PXDNL: variants seen among roughly 807,000 people sequenced by gnomAD.
PXDNL encodes the protein peroxidasin like.
Under a neutral mutation model 150.8 loss-of-function variants are expected in PXDNL, and 145 were observed. That is an observed-to-expected ratio of 0.96 (90% CI 0.84 to 1.10). The LOEUF (loss-of-function observed/expected upper bound fraction) is 1.10, where lower values mean the gene tolerates loss of function less well. PXDNL is among the 50% of genes least tolerant of loss of function. PXDNL has a pLI of 0.00. For missense variants in PXDNL, 2,087 were observed against 1,873.9 expected (o/e 1.11, Z -2.10); for synonymous variants, 757 against 725.7 (o/e 1.04, Z -0.69).
chr8:51,767,947 T>C (rs1199932769), intron 1 of PXDNL, among the ~76,000 whole-genome samples: 1 of 152,232 alleles, frequency 6.6e-6, no homozygotes, highest in African/African-American at 2.4e-5. Context: ...AGTTTCCAGA[T>C]AGAACAAATA....
chr8:51,433,369 T>TA, intron 12 of PXDNL, among the ~76,000 whole-genome samples: 1 of 152,144 alleles, frequency 6.6e-6, no homozygotes, highest in African/African-American at 2.4e-5. Context: ...TCTTAATAAT[T>TA]AGTTAATAAA....
In PXDNL at chr8:51,371,931, G is replaced by A. The variant is rs1158354740; in HGVS notation, c.3843C>T (p.Tyr1281=). The change falls in exon 19 of 23, where the codon TAC becomes TAT. Residue 1281 remains tyrosine (Y), a synonymous_variant. Coordinates refer to ENST00000356297, the MANE Select transcript of PXDNL (RefSeq NM_144651.5). The part of the protein sequence containing the change: ...VFVKAEYPQD[Y]LNCSEIPKVD... ...CCTTCGGGATCTCGCTGCAGTTCAGGTAATCCTGTGGGTATTCTGCCTTTA... is the reference window on the plus strand; with the variant it reads ...CCTTCGGGATCTCGCTGCAGTTCAGATAATCCTGTGGGTATTCTGCCTTTA... The A allele has an allele frequency of 6.2e-7, 1 of 1,613,978 alleles. No individual in the cohort carries two copies. The highest frequency in any genetic ancestry group is 1.1e-5 in the South Asian group (1 of 91,076).
intron 1 of PXDNL, among the ~76,000 whole-genome samples, chr8:51,730,081 TAGAGTGTACACCA>T (rs1757585689): frequency 2.0e-5 from 3 of 152,300 alleles, no homozygotes; most frequent in African/African-American, 7.2e-5. Flanking sequence ...TCAAAACCCC[TAGAGTGTACACCA>T]AGAGTGAACC....
At chr8:51,795,370 C>T (rs1446094503) in intron 1 of PXDNL, among the ~76,000 whole-genome samples, 1 of 152,180 alleles carries the variant, frequency 6.6e-6, no homozygotes, top group Non-Finnish European at 1.5e-5. Flanking sequence ...ATGGCACTTA[C>T]TCTAAAATCA....
intron 1 of PXDNL, among the ~76,000 whole-genome samples, chr8:51,757,613 G>T (rs546179564): frequency 3.3e-3 from 499 of 152,340 alleles, no homozygotes; most frequent in Non-Finnish European, 5.8e-3. Context: ...CATCTCCATT[G>T]TTATGGCCAG....
chr8:51,532,098 A>C (rs554331242), intron 4 of PXDNL, among the ~76,000 whole-genome samples: 3 of 152,228 alleles, frequency 2.0e-5, no homozygotes, highest in African/African-American at 7.2e-5. Flanking sequence ...TGCAGAATGC[A>C]GGTAAGTATG....
chr8:51,711,069 G>T (rs2130899328), intron 1 of PXDNL, among the ~76,000 whole-genome samples: 1 of 152,086 alleles, frequency 6.6e-6, no homozygotes, highest in East Asian at 1.9e-4. Flanking sequence ...AAATGAAGAA[G>T]TTAAATTGTC....
chr8:51,750,035 CA>C (rs1329063698), intron 1 of PXDNL, among the ~76,000 whole-genome samples: 3 of 152,122 alleles, frequency 2.0e-5, no homozygotes, highest in African/African-American at 4.8e-5. Flanking sequence ...CTATCTTCAA[CA>C]AAAATTAACC....
chr8:51,713,674 G>A (rs1816546259), intron 1 of PXDNL, among the ~76,000 whole-genome samples: 1 of 152,092 alleles, frequency 6.6e-6, no homozygotes, highest in Admixed American at 6.6e-5. Flanking sequence ...TTATCCTTTT[G>A]TAATCAAAGT....
intron 14 of PXDNL, among the ~76,000 whole-genome samples, chr8:51,415,055 T>C (rs946350484): frequency 2.6e-5 from 4 of 152,098 alleles, no homozygotes; most frequent in African/African-American, 4.8e-5. Flanking sequence ...AGAGCCTTCT[T>C]TGGCGGGGGG....
chr8:51,696,786 C>CACACACACAGGT (rs1563510225), intron 1 of PXDNL, among the ~76,000 whole-genome samples: 2 of 79,242 alleles, frequency 2.5e-5, no homozygotes, highest in Non-Finnish European at 5.4e-5. Flanking sequence ...CACACACATA[C>CACACACACAGGT]CCACCCACAC....
At chr8:51,509,361 A>C (rs1811361015) in intron 4 of PXDNL, among the ~76,000 whole-genome samples, 4 of 151,886 alleles carry the variant, frequency 2.6e-5, no homozygotes, top group Admixed American at 2.6e-4. Flanking sequence ...GTCCTTCAAA[A>C]CCCTCCAGTG....
Position 51,408,822 on chromosome 8 carries a change from C to T in PXDNL, c.2802G>A (p.Leu934=), listed in dbSNP as rs1205410341. 13 of 1,571,100 alleles carry T rather than the reference C, an allele frequency of 8.3e-6. No homozygotes were observed. In the African/African-American group the frequency reaches 1.5e-4, roughly 18 times the overall value. ...CGGTGGGTGGGCCTGTAGAAAAGGG[C>T]AATAAGGGCTTTCCGGAGGGAGGCC... The part of the protein sequence containing the change: ...FPWPPSGKPL[L]PFSTGPPTEC... The change falls in exon 17 of 23, where the codon TTG becomes TTA. Residue 934 remains leucine, a synonymous_variant. Coordinates refer to ENST00000356297, the MANE Select transcript of PXDNL (RefSeq NM_144651.5).
rs967878425 is a variant in PXDNL at position 51,374,460 on chromosome 8, C to A, written c.3692+137G>T. ...ATATTGGTGGTTACAAAAGTTCTGT[C>A]ACCTAATGCTATCTGATATTCATTA... is the stretch of plus-strand genomic sequence containing the variant. On this transcript the variant is annotated intron_variant, in intron 18 of 22. Coordinates refer to ENST00000356297, the MANE Select transcript of PXDNL (RefSeq NM_144651.5). 4 of 746,886 alleles carry A rather than the reference C, an allele frequency of 5.4e-6. No individual in the cohort carries two copies. The African/African-American group carries it at 7.1e-5, about 13-fold the overall frequency. 46.3% of individuals were successfully genotyped at this position (746,886 alleles called of 1,614,324 possible).
At chr8:51,562,520 G>T (rs1812738668) in intron 3 of PXDNL, among the ~76,000 whole-genome samples, 1 of 152,004 alleles carries the variant, frequency 6.6e-6, no homozygotes, top group African/African-American at 2.4e-5. Context: ...TTGGGGAAAT[G>T]CTTGCTGAAC....
intron 4 of PXDNL, among the ~76,000 whole-genome samples, chr8:51,514,493 T>C (rs1811493807): frequency 6.6e-6 from 1 of 152,192 alleles, no homozygotes; most frequent in South Asian, 2.1e-4. Context: ...TTATGAAAAT[T>C]CACATGTTTT....
chr8:51,628,399 C>CT (rs71550276), intron 2 of PXDNL, among the ~76,000 whole-genome samples: 5,150 of 69,648 alleles, frequency 0.074, 807 homozygotes, highest in African/African-American at 0.18. Flanking sequence ...CTTTTCTTTT[C>CT]TTTTTTTTTT....
intron 1 of PXDNL, among the ~76,000 whole-genome samples, chr8:51,771,809 C>A (rs916312711): frequency 3.3e-5 from 5 of 152,140 alleles, no homozygotes; most frequent in African/African-American, 1.2e-4. Flanking sequence ...CTGGACCAGG[C>A]GGTGCTGCCT....
intron 2 of PXDNL, among the ~76,000 whole-genome samples, chr8:51,626,089 G>A (rs577121112): frequency 1.3e-5 from 2 of 152,142 alleles, no homozygotes; most frequent in Non-Finnish European, 2.9e-5. Flanking sequence ...CTAAAAATGT[G>A]CTAATCACCA....
Sources: gnomAD v4.1 joint callset for allele counts (sites outside exome capture counted in the v4.1 genomes callset) on GRCh38, gnomAD v4.1.1 for gene constraint, MANE v1.5 for transcripts, NCBI Gene and HGNC (gene_info 2026-07-23, HGNC 2026-07-21) for gene names.